NDUFAF2: variants seen among roughly 807,000 people sequenced by gnomAD.
The protein encoded by NDUFAF2 is NADH:ubiquinone oxidoreductase complex assembly factor 2, also known as NADH dehydrogenase [ubiquinone] 1 alpha subcomplex assembly factor 2.
Under a neutral mutation model 22.8 loss-of-function variants are expected in NDUFAF2, and 13 were observed. The ratio of observed to expected loss-of-function variants is 0.57; its 90% CI spans 0.37 to 0.91. The LOEUF is 0.91. NDUFAF2 is among the 40% of genes least tolerant of loss of function. The pLI is 0.01. For missense variants in NDUFAF2, 162 were observed against 195.2 expected (o/e 0.83, Z 1.01); for synonymous variants, 53 against 64.2 (o/e 0.83, Z 0.84).
chr5:60,946,038 G>A lies in NDUFAF2; in HGVS notation c.127+656G>A, dbSNP rs12515955. On this transcript the variant is annotated intron_variant, in intron 1 of 3. Coordinates refer to ENST00000296597, the MANE Select transcript of NDUFAF2 (RefSeq NM_174889.5). Reference sequence around the variant, plus strand: ...CAAGACCCCGTTGAGCTCAATTTAAGAAACGTGGCAATAATCATGGTGTTA... The same window carrying A: ...CAAGACCCCGTTGAGCTCAATTTAAAAAACGTGGCAATAATCATGGTGTTA... Among the ~76,000 whole-genome samples the A allele has an allele frequency of 1.2e-3, 190 of 152,228 alleles. 2 individuals are homozygous for A. Among genetic ancestry groups the A allele is most frequent in the Admixed American group, 0.012 (182 of 15,288 alleles).
At chr5:61,032,448 G>T (rs1281102522) in intron 1 of NDUFAF2, among the ~76,000 whole-genome samples, 1 of 152,132 alleles carries the variant, frequency 6.6e-6, no homozygotes, top group Non-Finnish European at 1.5e-5. Flanking sequence ...CATATGGCTA[G>T]CCAGTTTTCC....
chr5:60,986,715 G>A (rs537343111), intron 1 of NDUFAF2, among the ~76,000 whole-genome samples: 1 of 152,116 alleles, frequency 6.6e-6, no homozygotes, highest in East Asian at 1.9e-4. Context: ...CAGATCACAG[G>A]GTCAGGAGTT....
At chr5:61,057,948 A>G (rs1323227972) in intron 1 of NDUFAF2, among the ~76,000 whole-genome samples, 1 of 152,206 alleles carries the variant, frequency 6.6e-6, no homozygotes, top group African/African-American at 2.4e-5. Flanking sequence ...ATTAATAAAT[A>G]TAATTTTTTA....
At chr5:61,107,254 C>A (rs1366419915) in intron 3 of NDUFAF2, among the ~76,000 whole-genome samples, 1 of 151,224 alleles carries the variant, frequency 6.6e-6, no homozygotes, top group African/African-American at 2.5e-5. Context: ...TTTGTTATTG[C>A]CCATCTTTTT....
At chr5:60,946,545 T>C (rs951666359) in intron 1 of NDUFAF2, among the ~76,000 whole-genome samples, 15 of 152,176 alleles carry the variant, frequency 9.9e-5, no homozygotes, top group African/African-American at 3.6e-4. Context: ...GCAAAGAACA[T>C]AGCATGGTGT....
At chr5:61,013,138 C>A (rs779998937) in intron 1 of NDUFAF2, among the ~76,000 whole-genome samples, 4 of 151,998 alleles carry the variant, frequency 2.6e-5, no homozygotes, top group Admixed American at 6.6e-5. Context: ...GTTAGTGTTG[C>A]AAGCATTCAA....
chr5:61,138,915 A>G (rs934947724), intron 3 of NDUFAF2, among the ~76,000 whole-genome samples: 4 of 152,206 alleles, frequency 2.6e-5, no homozygotes, highest in Admixed American at 2.6e-4. Flanking sequence ...TGTTTGTTAG[A>G]CATCCACCTC....
At chr5:61,071,955 A>G (rs1308092089) in intron 1 of NDUFAF2, among the ~76,000 whole-genome samples, 1 of 152,278 alleles carries the variant, frequency 6.6e-6, no homozygotes, top group Non-Finnish European at 1.5e-5. Flanking sequence ...TGCCTTCTGT[A>G]TAAACTTAAA....
chr5:61,084,970 T>C (rs535397792), intron 2 of NDUFAF2, among the ~76,000 whole-genome samples: 1 of 152,316 alleles, frequency 6.6e-6, no homozygotes, highest in East Asian at 1.9e-4. Context: ...CACATTTTTT[T>C]CCATATGCTC....
intron 1 of NDUFAF2, among the ~76,000 whole-genome samples, chr5:61,007,992 G>A (rs1751391778): frequency 6.6e-6 from 1 of 152,050 alleles, no homozygotes; most frequent in African/African-American, 2.4e-5. Context: ...ATGATTTCAT[G>A]TCCTTTGTAG....
At position 61,063,869 on chromosome 5, in the gene NDUFAF2, A is replaced by G. The variant is rs1034283384; in HGVS notation, c.128-9256A>G. On this transcript the variant is annotated intron_variant, in intron 1 of 3. Coordinates refer to ENST00000296597, the MANE Select transcript of NDUFAF2 (RefSeq NM_174889.5). Reference sequence around the variant, plus strand: ...ACCAGAAAACAAATAGCAAAATGACAGTAGTAAGAACTTATTTATCAGTAA... The same window carrying G: ...ACCAGAAAACAAATAGCAAAATGACGGTAGTAAGAACTTATTTATCAGTAA... Among the ~76,000 whole-genome samples, 6 of 152,146 alleles carry G rather than the reference A, an allele frequency of 3.9e-5. 1 individual carries two copies. In the East Asian group the frequency reaches 1.2e-3, roughly 29 times the overall value.
At chr5:60,999,018 T>C (rs949539983) in intron 1 of NDUFAF2, among the ~76,000 whole-genome samples, 4 of 152,036 alleles carry the variant, frequency 2.6e-5, no homozygotes, top group Non-Finnish European at 5.9e-5. Context: ...ATGTTTTCAA[T>C]GTAGTAGATT....
intron 1 of NDUFAF2, among the ~76,000 whole-genome samples, chr5:61,009,831 A>G (rs1241715199): frequency 6.6e-6 from 1 of 152,086 alleles, no homozygotes; most frequent in Non-Finnish European, 1.5e-5. Flanking sequence ...CCTCAGAATC[A>G]TCAGCATGTT....
chr5:61,095,376 C>G (rs938920037), intron 2 of NDUFAF2, among the ~76,000 whole-genome samples: 2 of 152,218 alleles, frequency 1.3e-5, no homozygotes, highest in Non-Finnish European at 2.9e-5. Flanking sequence ...CTTCCCTCCC[C>G]CAAGGAACTC....
chr5:61,021,308 C>T (rs1298616372), intron 1 of NDUFAF2, among the ~76,000 whole-genome samples: 4 of 151,194 alleles, frequency 2.6e-5, no homozygotes, highest in Admixed American at 2.0e-4. Flanking sequence ...TAGAGCCTAC[C>T]TGCATTCCTT....
At chr5:61,098,913 C>CA in intron 2 of NDUFAF2, 79 bp from the exon 3 acceptor site, 1 of 1,136,324 alleles carries the variant, frequency 8.8e-7, no homozygotes, top group Non-Finnish European at 1.3e-6. Flanking sequence ...AGTAGGTACT[C>CA]AAAAAAATTT....
chr5:61,018,404 A>C (rs1257383077), intron 1 of NDUFAF2, among the ~76,000 whole-genome samples: 1 of 152,188 alleles, frequency 6.6e-6, no homozygotes, highest in African/African-American at 2.4e-5. Context: ...TTATATTCTG[A>C]ATTTCACAAA....
chr5:61,100,290 T>C (rs928036713), intron 3 of NDUFAF2, among the ~76,000 whole-genome samples: 1 of 152,106 alleles, frequency 6.6e-6, no homozygotes, highest in Non-Finnish European at 1.5e-5. Context: ...GCCTTATTCA[T>C]AGAAACATTA....
chr5:60,953,422 T>C (rs970539432), intron 1 of NDUFAF2, among the ~76,000 whole-genome samples: 1 of 152,170 alleles, frequency 6.6e-6, no homozygotes, highest in African/African-American at 2.4e-5. Context: ...AGACATACTG[T>C]ACCTGAAAGA....
Sources: gnomAD v4.1 joint callset for allele counts (sites outside exome capture counted in the v4.1 genomes callset) on GRCh38, gnomAD v4.1.1 for gene constraint, MANE v1.5 for transcripts, NCBI Gene and HGNC (gene_info 2026-07-23, HGNC 2026-07-21) for gene names.